ABCA10: variants seen among roughly 807,000 people sequenced by gnomAD.
The protein encoded by ABCA10 is ATP-binding cassette sub-family A member 10.
ABCA10 carries 169 observed loss-of-function variants against 187.5 expected under a neutral mutation model. The ratio of observed to expected loss-of-function variants is 0.90; its 90% CI spans 0.80 to 1.02. The LOEUF is 1.02. ABCA10 is among the 50% of genes least tolerant of loss of function. The pLI is 0.00. For missense variants in ABCA10, 1,727 were observed against 1,812.4 expected, an observed-to-expected ratio of 0.95 and a Z score of 0.86; for synonymous variants, 574 against 601.8, an observed-to-expected ratio of 0.95 and a Z score of 0.68.
rs1555659730 is a variant in ABCA10 at position 69,177,965 on chromosome 17, A to ATAT, written c.2770-2453_2770-2452insATA. On this transcript the variant is annotated intron_variant, in intron 22 of 38. Transcript: ENST00000690296. ...AATGAGACTCCATTTCAAAAAAAAA[A>ATAT]AAAAAAAAATATATATATATATATA... 3.1e-3 allele frequency among the ~76,000 whole-genome samples: 390 copies of ATAT among 125,252 alleles called. 3 individuals carry two copies. Among genetic ancestry groups the ATAT allele is most frequent in the African/African-American group, 0.011 (376 of 35,016 alleles). 82.2% of individuals were successfully genotyped at this position (125,252 alleles called of 152,430 possible).
intron 25 of ABCA10, among the ~76,000 whole-genome samples, chr17:69,170,774 T>A (rs1443347412): frequency 6.6e-6 from 1 of 151,990 alleles, no homozygotes; most frequent in Non-Finnish European, 1.5e-5. Flanking sequence ...AGTGAGGAAA[T>A]TCTTCAAGGA....
At chr17:69,236,092 C>T (rs1040830646) in intron 1 of ABCA10, among the ~76,000 whole-genome samples, 1 of 151,790 alleles carries the variant, frequency 6.6e-6, no homozygotes, top group Non-Finnish European at 1.5e-5. Context: ...TCTTACAATA[C>T]CTATATATAT....
intron 9 of ABCA10, among the ~76,000 whole-genome samples, chr17:69,210,824 ATATATGCCACATATT>A (rs1452704945): frequency 2.8e-5 from 4 of 140,572 alleles, no homozygotes; most frequent in African/African-American, 1.2e-4. Flanking sequence ...ATACATATAT[ATATATGCCACATATT>A]TATGCCACAT....
intron 5 of ABCA10, among the ~76,000 whole-genome samples, chr17:69,220,236 G>T (rs960517299): frequency 2.0e-5 from 3 of 152,056 alleles, no homozygotes; most frequent in Admixed American, 6.6e-5. Context: ...AACAAAGATT[G>T]GGGGAGGGGG....
intron 9 of ABCA10, among the ~76,000 whole-genome samples, chr17:69,210,483 C>G (rs912952609): frequency 1.3e-5 from 2 of 151,744 alleles, no homozygotes; most frequent in Admixed American, 6.6e-5. Flanking sequence ...GCCACCGCGC[C>G]CGGCCTTTAG....
chr17:69,218,188 G>A (rs573053476), intron 6 of ABCA10, among the ~76,000 whole-genome samples: 24 of 152,092 alleles, frequency 1.6e-4, no homozygotes, highest in Non-Finnish European at 2.9e-4. Context: ...TCCAAACTTA[G>A]TATTTACCTA....
chr17:69,153,983 T>G lies in ABCA10; in HGVS notation c.3813A>C (p.Ser1271=). 6 of 1,613,930 alleles carry G rather than the reference T, an allele frequency of 3.7e-6. No homozygotes were observed. The highest frequency in any genetic ancestry group is 5.1e-6 in the Non-Finnish European group (6 of 1,179,906). The change falls in exon 32 of 39, where the codon TCA becomes TCC. Residue 1271 remains serine, a synonymous_variant. Coordinates refer to ENST00000690296, the MANE Select transcript of ABCA10 (RefSeq NM_001377321.1). Reference sequence around the variant, plus strand: ...GGCTGTTGTCATGCTGTTGCCTTACTGATGCTCTGCTGCCTTGTAACACCA... The same window carrying G: ...GGCTGTTGTCATGCTGTTGCCTTACGGATGCTCTGCTGCCTTGTAACACCA... The part of the protein sequence containing the change: ...GVVVLQGSRA[S]VRQQHDNSLK...
intron 9 of ABCA10, among the ~76,000 whole-genome samples, chr17:69,211,563 C>T (rs370718855): frequency 2.4e-4 from 36 of 151,472 alleles, no homozygotes; most frequent in African/African-American, 8.5e-4. Flanking sequence ...GGTATCAATT[C>T]TTCTTTGAGT....
At chr17:69,219,029 A>T (rs980553417) in intron 6 of ABCA10, among the ~76,000 whole-genome samples, 1 of 152,082 alleles carries the variant, frequency 6.6e-6, no homozygotes, top group Admixed American at 6.6e-5. Context: ...ACTTACTTTA[A>T]TGAGATTTTA....
chr17:69,206,604 T>A (rs1473150609), intron 9 of ABCA10, among the ~76,000 whole-genome samples: 1 of 152,228 alleles, frequency 6.6e-6, no homozygotes, highest in Non-Finnish European at 1.5e-5. Flanking sequence ...GATTGTTTCC[T>A]GTCTGTGCAA....
chr17:69,164,958 G>A lies in ABCA10; in HGVS notation c.3282+6C>T. On this transcript the variant is annotated splice_donor_region_variant and intron_variant, in intron 26 of 38. Coordinates refer to ENST00000690296, the MANE Select transcript of ABCA10 (RefSeq NM_001377321.1). ...GACTGGAGACACAGTAGGTAACACT[G>A]CTTACCTGGATCAATAACATGACAT... is the stretch of plus-strand genomic sequence containing the variant. The A allele has an allele frequency of 6.2e-7, 1 of 1,612,646 alleles. No individual in the cohort carries two copies. Among genetic ancestry groups the A allele is most frequent in the Admixed American group, 1.7e-5 (1 of 59,962 alleles).
chr17:69,178,319 A>G (rs1293229470), intron 22 of ABCA10, among the ~76,000 whole-genome samples: 2 of 152,164 alleles, frequency 1.3e-5, no homozygotes, highest in Admixed American at 1.3e-4. Flanking sequence ...ATGTACAGCC[A>G]AATCTAGACG....
At chr17:69,154,164 G>C (rs2074154166) in intron 31 of ABCA10, 71 bp downstream of exon 31, 1 of 1,455,460 alleles carries the variant, frequency 6.9e-7, no homozygotes, top group Non-Finnish European at 9.3e-7. Context: ...AAAGATATTT[G>C]ATTTACTGAT....
rs764794559 is a variant in ABCA10, at chr17:69,149,069, C to A, written c.4497G>T (p.Leu1499=). 6.2e-7 allele frequency: 1 copy of A among 1,613,850 alleles called. No homozygotes were observed. The highest frequency in any genetic ancestry group is 8.5e-7 in the Non-Finnish European group (1 of 1,179,900). ...TAGCCTGAGAGAGGCTGTATTCCTCCAGGTTGAAGGTCTGTTTCACTGCAT... is the reference window on the plus strand; with the variant it reads ...TAGCCTGAGAGAGGCTGTATTCCTCAAGGTTGAAGGTCTGTTTCACTGCAT... ...KLEAMKQTFN[L]EEYSLSQATL... is the part of the protein sequence containing the mutation. Residue 1499 remains leucine (L), a synonymous_variant, in exon 38 of 39, where the codon CTG becomes CTT. Coordinates refer to ENST00000690296, the MANE Select transcript of ABCA10 (RefSeq NM_001377321.1).
chr17:69,155,963 G>A, intron 28 of ABCA10, 38 bp from the exon 29 acceptor site: 2 of 1,595,170 alleles, frequency 1.3e-6, no homozygotes, highest in Non-Finnish European at 1.7e-6. Flanking sequence ...ATGCAATTTT[G>A]GCTGTACAAC....
chr17:69,172,538 C>A (rs1193515851), intron 25 of ABCA10, among the ~76,000 whole-genome samples: 1 of 152,036 alleles, frequency 6.6e-6, no homozygotes, highest in Non-Finnish European at 1.5e-5. Flanking sequence ...GACTTCTGAC[C>A]TCTAGAATTG....
upstream of ABCA10, among the ~76,000 whole-genome samples, chr17:69,229,679 T>C (rs948101275): frequency 1.3e-5 from 2 of 151,904 alleles, no homozygotes; most frequent in African/African-American, 4.8e-5. Flanking sequence ...ATGGTTCCTT[T>C]AATTGTAAAT....
chr17:69,197,158 T>C, intron 10 of ABCA10, 36 bp from the exon 11 acceptor site: 1 of 1,459,442 alleles, frequency 6.9e-7, no homozygotes, highest in East Asian at 2.3e-5. Flanking sequence ...TGTAAATGCA[T>C]TTTCTAGTAT....
At position 69,193,985 on chromosome 17, in the gene ABCA10, T is replaced by C; in HGVS notation, c.1350A>G (p.Ser450=). The change falls in exon 13 of 39, where the codon TCA becomes TCG. Residue 450 remains serine, a synonymous_variant. Coordinates refer to ENST00000690296, the MANE Select transcript of ABCA10 (RefSeq NM_001377321.1). ...AGAGTTGAGTATTATAAATAGTGGC[T>C]GATCCTATAAATAGAAATTTAAAAG... ...LSGLSVSTEG[S]ATIYNTQLSE... The C allele has an allele frequency of 6.3e-7, 1 of 1,591,932 alleles. No homozygotes were observed. The highest frequency in any genetic ancestry group is 8.6e-7 in the Non-Finnish European group (1 of 1,167,122).
Sources: allele counts gnomAD v4.1 joint callset (sites outside exome capture counted in the v4.1 genomes callset), GRCh38; gene constraint gnomAD v4.1.1; transcripts MANE v1.5; gene names NCBI Gene and HGNC (gene_info 2026-07-23, HGNC 2026-07-21).